The following XIRP2 variants were observed in gnomAD, a reference collection of about 807,000 sequenced individuals.
The protein encoded by XIRP2 is xin actin-binding repeat-containing protein 2.
In XIRP2, 236 loss-of-function variants were observed where a neutral mutation model predicts 277.0. The observed-to-expected ratio is 0.85, with a 90% CI of 0.77 to 0.95. The LOEUF (loss-of-function observed/expected upper bound fraction) is 0.95. Among genes scored for constraint, XIRP2 ranks in the 40% least tolerant of loss-of-function variants. The pLI, the probability that XIRP2 is intolerant of heterozygous loss-of-function variation, is 0.00. For missense variants in XIRP2, 4,640 were observed against 4,157.5 expected (o/e 1.12, Z -3.19); for synonymous variants, 1,490 against 1,416.5 (o/e 1.05, Z -1.17).
intron 2 of XIRP2, among the ~76,000 whole-genome samples, chr2:167,030,977 T>C (rs1481451438): frequency 6.6e-6 from 1 of 152,074 alleles, no homozygotes; most frequent in African/African-American, 2.4e-5. Context: ...TCTTTGTTGG[T>C]TTCAAGTCTG....
Position 167,027,785 on chromosome 2 carries a change from A to G in XIRP2, c.409-108124A>G, listed in dbSNP as rs1688214947. Reference sequence around the variant, plus strand: ...CTAGAGGTCCACTCCAGACCCTATAAACAGGTAAATCTTAAATAGAGAAGA... The same window carrying G: ...CTAGAGGTCCACTCCAGACCCTATAGACAGGTAAATCTTAAATAGAGAAGA... On this transcript the variant is annotated intron_variant, in intron 2 of 10. Coordinates refer to ENST00000409195, the MANE Select transcript of XIRP2 (RefSeq NM_152381.6). 5.3e-5 allele frequency among the ~76,000 whole-genome samples: 8 copies of G among 151,914 alleles called. No individual in the cohort carries two copies. The South Asian group carries it at 1.7e-3, about 31-fold the overall frequency.
chr2:166,897,423 A>G (rs1320216685), intron 1 of XIRP2, among the ~76,000 whole-genome samples: 1 of 152,112 alleles, frequency 6.6e-6, no homozygotes, highest in Non-Finnish European at 1.5e-5. Context: ...ATGCGTCACC[A>G]TCGACAATAC....
At chr2:166,978,619 TG>T (rs1658570649) in intron 2 of XIRP2, among the ~76,000 whole-genome samples, 1 of 152,206 alleles carries the variant, frequency 6.6e-6, no homozygotes, top group African/African-American at 2.4e-5. Flanking sequence ...TTTATTCTTT[TG>T]GGATATTTTT....
chr2:167,132,194 A>C (rs766510324), intron 2 of XIRP2, among the ~76,000 whole-genome samples: 5 of 152,038 alleles, frequency 3.3e-5, no homozygotes, highest in Admixed American at 6.6e-5. Flanking sequence ...TTCCACATGT[A>C]TTGTAACCTT....
At position 167,250,055 on chromosome 2, in the gene XIRP2, A is replaced by C. The variant is rs1380367954; in HGVS notation, c.8663A>C (p.Gln2888Pro). The change falls in exon 9 of 11, where the codon CAG becomes CCG. Residue 2888 changes from glutamine to proline, a missense_variant. Physicochemically the swap from Gln to Pro is moderately conservative, Grantham distance 76. Coordinates refer to ENST00000409195, the MANE Select transcript of XIRP2 (RefSeq NM_152381.6). The stretch of plus-strand genomic sequence containing the variant: ...AAAGCTGAACATAAAAAATTGCCCC[A>C]GCCATATAATAGTCTGCAGGAAGAA... The part of the protein sequence containing the change: ...ESKAEHKKLP[Q>P]PYNSLQEEKC... 1 of 1,613,658 alleles carries C rather than the reference A, an allele frequency of 6.2e-7. No individual in the cohort carries two copies. Among genetic ancestry groups the C allele is most frequent in the South Asian group, 1.1e-5 (1 of 91,084 alleles).
chr2:167,076,488 A>C (rs56259412), intron 2 of XIRP2, among the ~76,000 whole-genome samples: 3 of 152,224 alleles, frequency 2.0e-5, no homozygotes, highest in African/African-American at 7.2e-5. Flanking sequence ...AAAATGATTC[A>C]AGAAATAATA....
intron 2 of XIRP2, among the ~76,000 whole-genome samples, chr2:167,056,901 T>G (rs751292655): frequency 5.3e-5 from 8 of 152,118 alleles, no homozygotes; most frequent in Non-Finnish European, 7.4e-5. Context: ...GGGGATAGGT[T>G]GAAAGTGCCT....
chr2:166,913,059 A>G (rs956075185), intron 2 of XIRP2, among the ~76,000 whole-genome samples: 5 of 152,178 alleles, frequency 3.3e-5, no homozygotes, highest in Non-Finnish European at 7.4e-5. Context: ...TCAGGGACCC[A>G]CTTGAGGAGG....
chr2:167,016,780 G>A (rs1687838106), intron 2 of XIRP2, among the ~76,000 whole-genome samples: 1 of 151,934 alleles, frequency 6.6e-6, no homozygotes, highest in Admixed American at 6.6e-5. Context: ...GATGGAGTAT[G>A]AAGATTCTCA....
At chr2:167,187,813 A>C (rs979302683) in intron 3 of XIRP2, among the ~76,000 whole-genome samples, 1 of 152,208 alleles carries the variant, frequency 6.6e-6, no homozygotes, top group Non-Finnish European at 1.5e-5. Flanking sequence ...ATTATACTTC[A>C]ACTTACAAAT....
In XIRP2 at chr2:167,196,951, G is replaced by T. The variant is rs545376733; in HGVS notation, c.563-13784G>T. On this transcript the variant is annotated intron_variant, in intron 3 of 10. Coordinates refer to ENST00000409195, the MANE Select transcript of XIRP2 (RefSeq NM_152381.6). ...CTGGACTGAAATATGATGGAGACAT[G>T]AATGTATTTGGAATTTTTTAGCCAT... Among the ~76,000 whole-genome samples, 4 of 152,258 alleles carry T rather than the reference G, an allele frequency of 2.6e-5. No homozygotes were observed. In the South Asian group the frequency reaches 8.3e-4, roughly 32 times the overall value.
chr2:167,165,005 C>T (rs766434825), intron 3 of XIRP2, among the ~76,000 whole-genome samples: 12 of 152,140 alleles, frequency 7.9e-5, no homozygotes, highest in Non-Finnish European at 1.2e-4. Flanking sequence ...TTCCTTCCTC[C>T]CCTCCTCCCA....
intron 2 of XIRP2, among the ~76,000 whole-genome samples, chr2:166,963,089 T>C (rs1347002410): frequency 6.6e-6 from 1 of 151,778 alleles, no homozygotes; most frequent in Non-Finnish European, 1.5e-5. Context: ...CTATTCATTA[T>C]ATATATTGAA....
At chr2:166,915,250 G>C (rs1404536460) in intron 2 of XIRP2, among the ~76,000 whole-genome samples, 1 of 132,878 alleles carries the variant, frequency 7.5e-6, no homozygotes, top group Non-Finnish European at 1.5e-5. Flanking sequence ...GCAGTGAGCC[G>C]AGATCTGCCA....
intron 2 of XIRP2, among the ~76,000 whole-genome samples, chr2:166,958,493 C>T (rs905420073): frequency 3.3e-5 from 5 of 151,660 alleles, no homozygotes; most frequent in African/African-American, 1.2e-4. Context: ...GGGTTTGGAG[C>T]CCTAGTACCC....
intron 3 of XIRP2, among the ~76,000 whole-genome samples, chr2:167,192,455 G>A (rs1233122284): frequency 6.6e-6 from 1 of 152,112 alleles, no homozygotes; most frequent in Non-Finnish European, 1.5e-5. Context: ...TTAGCAGTTT[G>A]TAAACAACAA....
chr2:167,210,560 T>G (rs1693994523), intron 3 of XIRP2, among the ~76,000 whole-genome samples, 175 bp from the exon 4 acceptor site: 1 of 152,236 alleles, frequency 6.6e-6, no homozygotes, highest in Admixed American at 6.5e-5. Context: ...ACACACATTT[T>G]GTAACTTTGC....
chr2:166,910,138 G>A (rs1181455406), intron 2 of XIRP2, among the ~76,000 whole-genome samples: 1 of 152,188 alleles, frequency 6.6e-6, no homozygotes, highest in Admixed American at 6.5e-5. Context: ...AAATGAGTTA[G>A]GGAGGATTCC....
intron 2 of XIRP2, among the ~76,000 whole-genome samples, chr2:167,047,126 G>T (rs545440183): frequency 6.6e-6 from 1 of 151,842 alleles, no homozygotes; most frequent in East Asian, 1.9e-4. Context: ...GAAAAGGGAA[G>T]TAAATCGAAG....
Sources: allele counts gnomAD v4.1 joint callset (sites outside exome capture counted in the v4.1 genomes callset), GRCh38; gene constraint gnomAD v4.1.1; transcripts MANE v1.5; gene names NCBI Gene and HGNC (gene_info 2026-07-23, HGNC 2026-07-21).